RALGPS1: variants seen among roughly 807,000 people sequenced by gnomAD.
RALGPS1 encodes Ral GEF with PH domain and SH3 binding motif 1.
RALGPS1 carries 19 observed loss-of-function variants against 78.8 expected under a neutral mutation model. That is an observed-to-expected ratio of 0.24 (90% CI 0.17 to 0.35). RALGPS1 has a LOEUF of 0.35. RALGPS1 is among the 10% of genes least tolerant of loss of function. RALGPS1 has a pLI of 1.00. For synonymous variants in RALGPS1, 228 were observed against 256.3 expected (o/e 0.89, Z 1.06); for missense variants, 454 against 688.3 (o/e 0.66, Z 3.81).
intron 1 of RALGPS1, chr9:126,915,337 G>A (rs1364707850): frequency 7.1e-6 from 1 of 140,192 alleles, no homozygotes; most frequent in Non-Finnish European, 1.6e-5. Flanking sequence ...GGCGGGGCCG[G>A]CGGGGCTGCC....
intron 4 of RALGPS1, among the ~76,000 whole-genome samples, chr9:126,995,193 G>A (rs1474976750): frequency 6.6e-6 from 1 of 151,974 alleles, no homozygotes; most frequent in Non-Finnish European, 1.5e-5. Flanking sequence ...TTAACTTTAA[G>A]TGTAAATGGG....
intron 8 of RALGPS1, among the ~76,000 whole-genome samples, chr9:127,127,856 GAA>G (rs11450591): frequency 6.7e-6 from 1 of 149,396 alleles, no homozygotes; most frequent in Non-Finnish European, 1.5e-5. Flanking sequence ...CGATTGTCCT[GAA>G]AAAAAAAAAA....
At chr9:127,137,400 C>T (rs2057472680) in intron 8 of RALGPS1, among the ~76,000 whole-genome samples, 1 of 152,236 alleles carries the variant, frequency 6.6e-6, no homozygotes, top group Non-Finnish European at 1.5e-5. Flanking sequence ...CTGCCTGTAG[C>T]TGACCTGAGC....
intron 1 of RALGPS1, among the ~76,000 whole-genome samples, chr9:126,918,089 C>T (rs2034362850): frequency 6.6e-6 from 1 of 152,206 alleles, no homozygotes; most frequent in Admixed American, 6.5e-5. Context: ...CAAGTTGTCC[C>T]TGCTACTTTT....
chr9:126,989,214 T>A (rs959756456), intron 4 of RALGPS1, among the ~76,000 whole-genome samples: 1 of 151,932 alleles, frequency 6.6e-6, no homozygotes, highest in African/African-American at 2.4e-5. Flanking sequence ...GAGTTCAGGG[T>A]CTTTGAGGTG....
At chr9:126,943,469 A>C (rs940186478) in intron 1 of RALGPS1, among the ~76,000 whole-genome samples, 1 of 152,104 alleles carries the variant, frequency 6.6e-6, no homozygotes, top group African/African-American at 2.4e-5. Context: ...TGGTCCTTTC[A>C]GCAGGACCTG....
At chr9:127,119,585 A>G (rs1368474442) in intron 8 of RALGPS1, among the ~76,000 whole-genome samples, 1 of 152,158 alleles carries the variant, frequency 6.6e-6, no homozygotes. Flanking sequence ...ACTAGAACCT[A>G]CCTTCTAGGG....
chr9:127,099,875 C>T (rs1037878131), intron 8 of RALGPS1, among the ~76,000 whole-genome samples: 6 of 152,212 alleles, frequency 3.9e-5, no homozygotes, highest in Non-Finnish European at 8.8e-5. Flanking sequence ...TTTCAGGCCG[C>T]TTTAGCCCTC....
intron 4 of RALGPS1, among the ~76,000 whole-genome samples, chr9:126,996,852 T>C (rs1019953197): frequency 6.6e-6 from 1 of 152,250 alleles, no homozygotes; most frequent in African/African-American, 2.4e-5. Flanking sequence ...GTGGGCTTCA[T>C]CCCTGGGATG....
chr9:126,933,774 C>T (rs953872602), intron 1 of RALGPS1, among the ~76,000 whole-genome samples: 4 of 152,088 alleles, frequency 2.6e-5, no homozygotes, highest in South Asian at 2.1e-4. Context: ...CAAGTGGCCA[C>T]GGAGCTCATA....
chr9:127,062,034 A>T (rs1416786711), intron 7 of RALGPS1, among the ~76,000 whole-genome samples: 2 of 152,232 alleles, frequency 1.3e-5, no homozygotes, highest in African/African-American at 4.8e-5. Context: ...ATGTATGTGC[A>T]TATGCATGTG....
intron 14 of RALGPS1, among the ~76,000 whole-genome samples, chr9:127,208,591 G>A (rs2062062333): frequency 6.6e-6 from 1 of 152,114 alleles, no homozygotes; most frequent in Non-Finnish European, 1.5e-5. Context: ...CAGCGCGAGT[G>A]CACTCGATGA....
At chr9:127,083,409 A>G (rs1171834273) in intron 8 of RALGPS1, among the ~76,000 whole-genome samples, 1 of 152,246 alleles carries the variant, frequency 6.6e-6, no homozygotes, top group Non-Finnish European at 1.5e-5. Context: ...ATGTGCCAGG[A>G]CAACTGCAGA....
intron 8 of RALGPS1, among the ~76,000 whole-genome samples, chr9:127,094,704 T>G (rs964639924): frequency 6.6e-6 from 1 of 152,248 alleles, no homozygotes; most frequent in African/African-American, 2.4e-5. Flanking sequence ...TGCTTGGCAC[T>G]CACGCATTCT....
chr9:127,186,137 G>A (rs940377103), intron 11 of RALGPS1, among the ~76,000 whole-genome samples: 1 of 152,174 alleles, frequency 6.6e-6, no homozygotes, highest in Non-Finnish European at 1.5e-5. Context: ...TGGGCAGCCT[G>A]TTGCTTTCTT....
At chr9:126,950,054 C>T (rs893154347) in intron 1 of RALGPS1, among the ~76,000 whole-genome samples, 13 of 151,760 alleles carry the variant, frequency 8.6e-5, no homozygotes, top group Admixed American at 8.5e-4. Context: ...TTCCCAGCAC[C>T]ATTTATTAAA....
intron 14 of RALGPS1, among the ~76,000 whole-genome samples, chr9:127,210,203 G>C (rs183566863): frequency 1.5e-4 from 23 of 152,204 alleles, no homozygotes; most frequent in African/African-American, 5.5e-4. Context: ...CAGGGGCCTG[G>C]CTGGAGCCGC....
At chr9:127,213,404 G>A (rs1053444794) in intron 17 of RALGPS1, among the ~76,000 whole-genome samples, 3 of 152,230 alleles carry the variant, frequency 2.0e-5, no homozygotes, top group Non-Finnish European at 2.9e-5. Context: ...AGATTTCAGG[G>A]ATCCCCTCAC....
At chr9:127,168,642 G>C (rs775455409) in intron 9 of RALGPS1, 37 bp from the exon 10 acceptor site, 22 of 1,432,126 alleles carry the variant, frequency 1.5e-5, no homozygotes, top group South Asian at 2.3e-5. Context: ...AAAGATGGGA[G>C]AGCCTAAAGT....
Sources: gnomAD v4.1 joint callset for allele counts (sites outside exome capture counted in the v4.1 genomes callset) on GRCh38, gnomAD v4.1.1 for gene constraint, MANE v1.5 for transcripts, NCBI Gene and HGNC (gene_info 2026-07-23, HGNC 2026-07-21) for gene names.